Variants in CNTNAP2 observed in about 807,000 individuals in gnomAD.
CNTNAP2 encodes the protein contactin associated protein 2.
Under a neutral mutation model 155.2 loss-of-function variants are expected in CNTNAP2, and 98 were observed. That is an observed-to-expected ratio of 0.63 (90% CI 0.54 to 0.75). The LOEUF (loss-of-function observed/expected upper bound fraction) is 0.75, where lower values mean the gene tolerates loss of function less well. Ranked by LOEUF, CNTNAP2 falls within the 30% of genes least tolerant of loss-of-function variation. The pLI is 0.00. For synonymous variants in CNTNAP2, 651 were observed against 631.2 expected (o/e 1.03, Z -0.47); for missense variants, 1,727 against 1,688.1 (o/e 1.02, Z -0.40).
chr7:147,973,505 C>T (rs1160481008), intron 14 of CNTNAP2, among the ~76,000 whole-genome samples: 4 of 152,128 alleles, frequency 2.6e-5, no homozygotes, highest in Admixed American at 1.3e-4. Context: ...GCATTACAAA[C>T]ATTGGTTGAT....
chr7:147,657,793 G>A (rs1342962882), intron 13 of CNTNAP2, among the ~76,000 whole-genome samples: 1 of 152,160 alleles, frequency 6.6e-6, no homozygotes. Flanking sequence ...GTATTAGAAA[G>A]GATTTAGCAG....
At chr7:146,710,320 C>A (rs937197488) in intron 1 of CNTNAP2, among the ~76,000 whole-genome samples, 3 of 152,132 alleles carry the variant, frequency 2.0e-5, no homozygotes, top group African/African-American at 7.2e-5. Context: ...AGAAGTGCAA[C>A]TGATCCCATA....
intron 8 of CNTNAP2, among the ~76,000 whole-genome samples, chr7:147,173,624 G>A (rs1020394027): frequency 2.6e-5 from 4 of 152,130 alleles, no homozygotes; most frequent in Non-Finnish European, 4.4e-5. Flanking sequence ...AGAAATGCTC[G>A]ATCTGTATAA....
At chr7:147,540,389 C>T (rs937108717) in intron 11 of CNTNAP2, among the ~76,000 whole-genome samples, 20 of 152,166 alleles carry the variant, frequency 1.3e-4, no homozygotes, top group African/African-American at 4.6e-4. Flanking sequence ...TCACCTCTAA[C>T]CCAGAGGTCA....
intron 13 of CNTNAP2, among the ~76,000 whole-genome samples, chr7:147,658,936 A>T (rs1380401881): frequency 6.6e-6 from 1 of 152,086 alleles, no homozygotes; most frequent in Non-Finnish European, 1.5e-5. Flanking sequence ...TTGATATTTT[A>T]GTTTAACTCA....
At chr7:146,776,061 T>C (rs892059561) in intron 2 of CNTNAP2, among the ~76,000 whole-genome samples, 12 of 152,060 alleles carry the variant, frequency 7.9e-5, no homozygotes, top group Admixed American at 3.3e-4. Context: ...ATAAAAGTCA[T>C]TGAAAACAAC....
chr7:148,300,553 G>T, intron 21 of CNTNAP2, among the ~76,000 whole-genome samples: 2 of 142,342 alleles, frequency 1.4e-5, no homozygotes, highest in Admixed American at 7.2e-5. Flanking sequence ...TTTCCACCCT[G>T]TGAGGAACAC....
At chr7:146,863,262 T>C (rs1031438230) in intron 3 of CNTNAP2, among the ~76,000 whole-genome samples, 4 of 152,122 alleles carry the variant, frequency 2.6e-5, no homozygotes, top group African/African-American at 9.6e-5. Flanking sequence ...AAGAAGTAAA[T>C]AGCATAAGAA....
intron 1 of CNTNAP2, among the ~76,000 whole-genome samples, chr7:146,483,313 A>ATATG (rs1554439587): frequency 2.2e-5 from 2 of 92,870 alleles, no homozygotes; most frequent in African/African-American, 5.3e-5. Flanking sequence ...ATATATATAT[A>ATATG]TATATATATA....
chr7:147,392,940 T>C (rs1400169868), intron 9 of CNTNAP2, among the ~76,000 whole-genome samples: 2 of 152,098 alleles, frequency 1.3e-5, no homozygotes, highest in Non-Finnish European at 2.9e-5. Context: ...TATTGTTGCA[T>C]TATGTGTCAC....
At chr7:146,518,259 A>C (rs542392348) in intron 1 of CNTNAP2, among the ~76,000 whole-genome samples, 74 of 152,014 alleles carry the variant, frequency 4.9e-4, no homozygotes, top group African/African-American at 1.8e-3. Flanking sequence ...GGCTTGAAAA[A>C]AATATAAGAA....
chr7:146,826,582 T>A (rs1803404979), intron 2 of CNTNAP2, among the ~76,000 whole-genome samples: 1 of 151,942 alleles, frequency 6.6e-6, no homozygotes, highest in Non-Finnish European at 1.5e-5. Flanking sequence ...CTCCCTGATG[T>A]GTGGAGAAGT....
intron 14 of CNTNAP2, among the ~76,000 whole-genome samples, chr7:147,953,483 A>AT (rs1190296567): frequency 6.6e-6 from 1 of 152,160 alleles, no homozygotes; most frequent in Non-Finnish European, 1.5e-5. Context: ...ACGTTCACCT[A>AT]TGTCACAAAC....
At chr7:146,824,973 G>A (rs1388623686) in intron 2 of CNTNAP2, among the ~76,000 whole-genome samples, 2 of 150,740 alleles carry the variant, frequency 1.3e-5, no homozygotes, top group Admixed American at 1.3e-4. Context: ...GCCTATTAAA[G>A]AAATTCTTTA....
At chr7:148,169,273 T>A (rs1415794511) in intron 17 of CNTNAP2, among the ~76,000 whole-genome samples, 2 of 152,224 alleles carry the variant, frequency 1.3e-5, no homozygotes, top group Non-Finnish European at 2.9e-5. Flanking sequence ...TCGAGCAGAC[T>A]GGCATGAATA....
intron 14 of CNTNAP2, among the ~76,000 whole-genome samples, chr7:147,906,518 T>A (rs1799961274): frequency 6.6e-6 from 1 of 151,292 alleles, no homozygotes; most frequent in Non-Finnish European, 1.5e-5. Context: ...TGAGACAAGG[T>A]CTTGCTCTGT....
intron 3 of CNTNAP2, among the ~76,000 whole-genome samples, chr7:146,993,185 G>C (rs1377415374): frequency 1.3e-5 from 2 of 152,188 alleles, no homozygotes; most frequent in Non-Finnish European, 2.9e-5. Flanking sequence ...GAGAGATCAA[G>C]TGCCCTATTT....
chr7:147,205,418 C>T (rs1039475591), intron 8 of CNTNAP2, among the ~76,000 whole-genome samples: 5 of 151,934 alleles, frequency 3.3e-5, no homozygotes, highest in East Asian at 3.9e-4. Flanking sequence ...TACTTTGAAA[C>T]GGATTGCATT....
intron 3 of CNTNAP2, among the ~76,000 whole-genome samples, chr7:146,854,568 G>T (rs1794939760): frequency 7.5e-6 from 1 of 132,546 alleles, no homozygotes; most frequent in Admixed American, 7.3e-5. Flanking sequence ...TTAGCAAAGG[G>T]TCTTTAAGAG....
Sources: allele counts gnomAD v4.1 joint callset (sites outside exome capture counted in the v4.1 genomes callset), GRCh38; gene constraint gnomAD v4.1.1; transcripts MANE v1.5; gene names NCBI Gene and HGNC (gene_info 2026-07-23, HGNC 2026-07-21).